Variants in UPF2 observed in about 807,000 individuals in gnomAD.
The protein encoded by UPF2 is regulator of nonsense transcripts 2.
Under a neutral mutation model 141.4 loss-of-function variants are expected in UPF2, and 17 were observed. The observed-to-expected ratio is 0.12, with a 90% CI of 0.08 to 0.18. UPF2 has a LOEUF of 0.18. UPF2 is among the 10% of genes least tolerant of loss of function. UPF2 has a pLI of 1.00. For missense variants in UPF2, 1,152 were observed against 1,515.9 expected, an observed-to-expected ratio of 0.76 and a Z score of 3.99; for synonymous variants, 540 against 498.0, an observed-to-expected ratio of 1.08 and a Z score of -1.12.
chr10:11,937,599 T>C (rs1832870131), intron 18 of UPF2, among the ~76,000 whole-genome samples: 1 of 152,150 alleles, frequency 6.6e-6, no homozygotes, highest in African/African-American at 2.4e-5. Flanking sequence ...AGCAAGGACA[T>C]GGACCAGCAT....
intron 7 of UPF2, 106 bp downstream of exon 7, chr10:11,999,800 T>A: frequency 2.2e-5 from 20 of 889,466 alleles, no homozygotes; most frequent in Non-Finnish European, 3.4e-5. Context: ...TTTGAAGAAA[T>A]GGTGGACTTT....
At chr10:11,965,932 C>A (rs1833312617) in intron 10 of UPF2, among the ~76,000 whole-genome samples, 1 of 152,042 alleles carries the variant, frequency 6.6e-6, no homozygotes, top group African/African-American at 2.4e-5. Flanking sequence ...TAGAAAAAAA[C>A]AACCTTAGTA....
chr10:11,981,533 A>G (rs552081390), intron 8 of UPF2, among the ~76,000 whole-genome samples: 3 of 152,358 alleles, frequency 2.0e-5, no homozygotes, highest in Admixed American at 6.5e-5. Flanking sequence ...CATTATATAA[A>G]AACATTTAAT....
chr10:11,978,741 T>C (rs1238909504), intron 9 of UPF2, among the ~76,000 whole-genome samples: 2 of 152,140 alleles, frequency 1.3e-5, no homozygotes, highest in African/African-American at 4.8e-5. Flanking sequence ...ATGATGTTTC[T>C]TTTGGAAACA....
intron 10 of UPF2, among the ~76,000 whole-genome samples, chr10:11,964,702 G>A (rs1237481871): frequency 1.3e-5 from 2 of 152,098 alleles, no homozygotes; most frequent in Non-Finnish European, 2.9e-5. Context: ...AGTATATAGT[G>A]CTACATAATA....
chr10:12,015,082 T>G (rs1279745113), intron 3 of UPF2, among the ~76,000 whole-genome samples: 1 of 152,234 alleles, frequency 6.6e-6, no homozygotes, highest in Non-Finnish European at 1.5e-5. Context: ...ATCCAATTTT[T>G]TACATACAAA....
intron 1 of UPF2, among the ~76,000 whole-genome samples, chr10:12,038,378 T>TCACTCACA (rs71380802): frequency 0.034 from 4,634 of 135,848 alleles, 125 homozygotes; most frequent in South Asian, 0.062. Flanking sequence ...AGACTCCATC[T>TCACTCACA]CACACACACA....
intron 7 of UPF2, among the ~76,000 whole-genome samples, chr10:11,999,272 G>A (rs1001683145): frequency 3.3e-5 from 5 of 151,826 alleles, no homozygotes; most frequent in African/African-American, 7.3e-5. Context: ...CGAGCACTTC[G>A]GGAGGCCAAG....
At position 11,940,477 on chromosome 10, in the gene UPF2, C is replaced by T. The variant is rs1362673494; in HGVS notation, c.3378+2188G>A. ...TCCACGTAACCTTCTGATCTCCATA[C>T]ATTTCCACTTGGACACCTCAAAGGC... On this transcript the variant is annotated intron_variant, in intron 18 of 21. Transcript: ENST00000357604. The surrounding 1 kb of genome is among the most constrained non-coding windows in gnomAD (Gnocchi z 4.2). Among the ~76,000 whole-genome samples, 1 of 152,198 alleles carries T rather than the reference C, an allele frequency of 6.6e-6. No homozygotes were observed. Among genetic ancestry groups the T allele is most frequent in the Non-Finnish European group, 1.5e-5 (1 of 68,032 alleles).
At chr10:12,028,145 C>T (rs1326676053) in intron 3 of UPF2, among the ~76,000 whole-genome samples, 2 of 152,148 alleles carry the variant, frequency 1.3e-5, no homozygotes, top group Non-Finnish European at 2.9e-5. Context: ...GTCTTTTCAC[C>T]AATTACCACA....
chr10:11,937,179 T>C (rs1239073885), intron 18 of UPF2, among the ~76,000 whole-genome samples: 2 of 152,266 alleles, frequency 1.3e-5, no homozygotes, highest in Non-Finnish European at 2.9e-5. Context: ...ATGGAATCTA[T>C]GACCATTTGT....
At position 11,962,954 on chromosome 10, in the gene UPF2, C is replaced by A. The variant is rs563428977; in HGVS notation, c.2184+1055G>T. Among the ~76,000 whole-genome samples, 7 of 152,256 alleles carry A rather than the reference C, an allele frequency of 4.6e-5. No homozygotes were observed. In the East Asian group the frequency reaches 1.4e-3, roughly 29 times the overall value. On this transcript the variant is annotated intron_variant, in intron 11 of 21. Transcript: ENST00000357604. ...ACACTCAAAATACCTTAGGCTTATA[C>A]ATTAAATCATAATGTATTTTTTTTT...
chr10:12,034,337 T>A (rs1388314977), intron 2 of UPF2, among the ~76,000 whole-genome samples: 3 of 151,916 alleles, frequency 2.0e-5, no homozygotes, highest in South Asian at 4.2e-4. Context: ...ATTTTTTTTT[T>A]TTTGAGATGC....
chr10:11,935,535 C>T lies in UPF2; in HGVS notation c.3546+1010G>A, dbSNP rs180682775. Among the ~76,000 whole-genome samples the T allele has an allele frequency of 6.6e-6, 1 of 152,316 alleles. No homozygotes were observed. The highest frequency in any genetic ancestry group is 2.4e-5 in the African/African-American group (1 of 41,568). ...AATGCTGTCAGTTAACACAGGATTT[C>T]ATGGACTCTAAGAAGCAACTTGATC... On this transcript the variant is annotated intron_variant, in intron 19 of 21. Coordinates refer to ENST00000357604, the MANE Select transcript of UPF2 (RefSeq NM_015542.4). This position sits in a 1 kb window ranked among gnomAD's most constrained non-coding sequence, Gnocchi z 4.9.
At chr10:11,977,382 C>G (rs1833522137) in intron 9 of UPF2, among the ~76,000 whole-genome samples, 1 of 152,150 alleles carries the variant, frequency 6.6e-6, no homozygotes, top group African/African-American at 2.4e-5. Context: ...TTCGAGAGCA[C>G]TGGTTCCCAA....
intron 10 of UPF2, 62 bp from the exon 11 acceptor site, chr10:11,964,187 T>G: frequency 8.0e-7 from 1 of 1,242,668 alleles, no homozygotes; most frequent in Non-Finnish European, 1.1e-6. Context: ...AGAGAAGAAA[T>G]TATCATACAT....
chr10:11,941,165 G>A (rs1588529011), intron 18 of UPF2, among the ~76,000 whole-genome samples: 1 of 152,162 alleles, frequency 6.6e-6, no homozygotes, highest in African/African-American at 2.4e-5. Flanking sequence ...TTAGCCCGAT[G>A]CACACTGTTA....
At chr10:11,924,399 G>A (rs1466756192) in intron 21 of UPF2, among the ~76,000 whole-genome samples, 5 of 152,190 alleles carry the variant, frequency 3.3e-5, no homozygotes, top group East Asian at 1.9e-4. Flanking sequence ...CCAACATGGC[G>A]AAACCATGTC....
In UPF2 at chr10:11,929,936, A is replaced by G. The variant is rs1424193135; in HGVS notation, c.3738T>C (p.Arg1246=). 6.2e-7 allele frequency: 1 copy of G among 1,614,090 alleles called. No individual in the cohort carries two copies. Among genetic ancestry groups the G allele is most frequent in the Non-Finnish European group, 8.5e-7 (1 of 1,180,038 alleles). The part of the protein sequence containing the change: ...AQRPAPANTN[R]ERRPRYQHPK... Reference sequence around the variant, plus strand: ...GATGTTGGTAGCGAGGCCGCCTCTCACGATTGGTGTTTGCTGGAGCTGGGC... The same window carrying G: ...GATGTTGGTAGCGAGGCCGCCTCTCGCGATTGGTGTTTGCTGGAGCTGGGC... Residue 1246 remains arginine, a synonymous_variant, in exon 21 of 22, where the codon CGT becomes CGC. Transcript: ENST00000357604.
Sources: allele counts gnomAD v4.1 joint callset (sites outside exome capture counted in the v4.1 genomes callset), GRCh38; gene constraint gnomAD v4.1.1; non-coding constraint Gnocchi (gnomAD v3.1); transcripts MANE v1.5; gene names NCBI Gene and HGNC (gene_info 2026-07-23, HGNC 2026-07-21).